KLHL5: variants seen among roughly 807,000 people sequenced by gnomAD.
KLHL5 encodes the protein kelch-like protein 5.
A neutral mutation model predicts 77.7 loss-of-function variants in KLHL5; 48 were observed. The observed-to-expected ratio is 0.62, with a 90% CI of 0.49 to 0.79. KLHL5 has a LOEUF of 0.79. Ranked by LOEUF, KLHL5 falls within the 30% of genes least tolerant of loss-of-function variation. KLHL5 has a pLI of 0.00. For missense variants in KLHL5, 723 were observed against 859.7 expected, an observed-to-expected ratio of 0.84 and a Z score of 1.99; for synonymous variants, 260 against 297.0, an observed-to-expected ratio of 0.88 and a Z score of 1.28.
intron 4 of KLHL5, among the ~76,000 whole-genome samples, chr4:39,086,019 A>G (rs1187124724): frequency 6.6e-6 from 1 of 152,188 alleles, no homozygotes; most frequent in African/African-American, 2.4e-5. Flanking sequence ...TCTGTGGTCT[A>G]GAATGATTCT....
chr4:39,069,768 C>A (rs1718302426), intron 1 of KLHL5, among the ~76,000 whole-genome samples: 1 of 150,732 alleles, frequency 6.6e-6, no homozygotes, highest in Non-Finnish European at 1.5e-5. Flanking sequence ...TTTTTTTTGC[C>A]CTAATGTAAG....
chr4:39,089,100 G>A (rs1720299177), intron 5 of KLHL5, among the ~76,000 whole-genome samples: 1 of 152,164 alleles, frequency 6.6e-6, no homozygotes, highest in African/African-American at 2.4e-5. Flanking sequence ...GATCTGAGGG[G>A]TCAAAGCCAA....
upstream of KLHL5, chr4:39,044,879 G>T: frequency 1.1e-6 from 1 of 925,910 alleles, no homozygotes; most frequent in Non-Finnish European, 1.3e-6. Context: ...GCCACCCGGG[G>T]ACTCTGACCC....
In KLHL5 at chr4:39,113,086, T is replaced by A; in HGVS notation, c.1755T>A (p.His585Gln). The A allele has an allele frequency of 3.1e-6, 5 of 1,614,096 alleles. No individual in the cohort carries two copies. Among genetic ancestry groups the A allele is most frequent in the Non-Finnish European group, 3.4e-6 (4 of 1,179,976 alleles). ...AATCAGTAGAATGTTTTGATCCTCA[T>A]ACTAATAAGTGGACACTGTGTGCAC... is the stretch of plus-strand genomic sequence containing the variant. ...CLKSVECFDP[H>Q]TNKWTLCAQM... is the part of the protein sequence containing the mutation. Residue 585 changes from histidine (H) to glutamine (Q), a missense_variant, in exon 9 of 11, where the codon CAT (histidine) becomes CAA (glutamine). Physicochemically the swap from His to Gln is conservative, Grantham distance 24. Coordinates refer to ENST00000504108, the MANE Select transcript of KLHL5 (RefSeq NM_015990.5).
In KLHL5 at chr4:39,051,806, G is replaced by A. The variant is rs138552785; in HGVS notation, c.-95+6710G>A. Among the ~76,000 whole-genome samples, 1,398 of 152,354 alleles carry A rather than the reference G, an allele frequency of 9.2e-3. 12 individuals carry two copies. Among genetic ancestry groups the A allele is most frequent in the Non-Finnish European group, 0.015 (997 of 68,026 alleles). On this transcript the variant is annotated intron_variant, in intron 1 of 11. Coordinates refer to the KLHL5 transcript ENST00000261425. The stretch of plus-strand genomic sequence containing the variant: ...GTTTCCAGGGTTCTGTAAAAGCTAT[G>A]CTAATTAAAAGAGCCATCACAGGGA...
At chr4:39,049,675 C>T (rs968080293) in intron 1 of KLHL5, among the ~76,000 whole-genome samples, 1 of 150,350 alleles carries the variant, frequency 6.7e-6, no homozygotes, top group Admixed American at 6.7e-5. Context: ...CTCCAACCTA[C>T]GGGACAGCAA....
chr4:39,117,823 C>T (rs1176583095), intron 10 of KLHL5, among the ~76,000 whole-genome samples: 1 of 152,020 alleles, frequency 6.6e-6, no homozygotes, highest in African/African-American at 2.4e-5. Context: ...ACCTGTAATC[C>T]CAACACTTTG....
chr4:39,130,413 C>T (rs1354549132), downstream of KLHL5, among the ~76,000 whole-genome samples: 4 of 152,280 alleles, frequency 2.6e-5, no homozygotes, highest in South Asian at 2.1e-4. Flanking sequence ...GTGTTCCTTA[C>T]CCTCATTCCC....
chr4:39,050,295 A>G (rs765719541), intron 1 of KLHL5, among the ~76,000 whole-genome samples: 2 of 152,208 alleles, frequency 1.3e-5, no homozygotes, highest in African/African-American at 4.8e-5. Context: ...AAATTAAACA[A>G]TGTTACTTAA....
rs537498791 is a variant in KLHL5 at position 39,111,505 on chromosome 4, GGTGTGCACAC to G, written c.1689-1504_1689-1495del. ...AGCCTATTGTGTGTGGGTATGTGTG[GGTGTGCACAC>G]GTGTGCACACACATATGCATGTGTG... On this transcript the variant is annotated intron_variant, in intron 8 of 10. Coordinates refer to ENST00000504108, the MANE Select transcript of KLHL5 (RefSeq NM_015990.5). 3.7e-3 allele frequency among the ~76,000 whole-genome samples: 565 copies of G among 151,992 alleles called. 5 individuals carry two copies. Among genetic ancestry groups the G allele is most frequent in the African/African-American group, 0.012 (516 of 41,452 alleles).
chr4:39,139,458 T>C, the KLHL5 span, among the ~76,000 whole-genome samples: 10 of 152,016 alleles, frequency 6.6e-5, no homozygotes, highest in African/African-American at 2.4e-4. Context: ...TATGACACTA[T>C]AATTATGGGT....
In KLHL5 at chr4:39,121,139, T is replaced by C. The variant is rs1577758353; in HGVS notation, c.*73T>C. 3 of 1,150,686 alleles carry C rather than the reference T, an allele frequency of 2.6e-6. No individual in the cohort carries two copies. The East Asian group carries it at 7.2e-5, about 28-fold the overall frequency. The allele number at this position is 1,150,686 out of a possible 1,614,324, so 71.3% of individuals were successfully genotyped here. ...TTAGTATAATTATTCTATCAATGGA[T>C]ACATTTTTAGTAAATGTGCATTGTC... On this transcript the variant is annotated 3_prime_UTR_variant, in exon 11 of 11. Coordinates refer to ENST00000504108, the MANE Select transcript of KLHL5 (RefSeq NM_015990.5).
rs1216343214 is a variant in KLHL5, at chr4:39,080,745, A to G, written c.567-358A>G. ...TGTCTCCCATATATTCACTACTTCT[A>G]TAATTAAATTTTTTTAAAAATGGCT... On this transcript the variant is annotated intron_variant, in intron 2 of 10. Coordinates refer to ENST00000504108, the MANE Select transcript of KLHL5 (RefSeq NM_015990.5). Among the ~76,000 whole-genome samples the G allele has an allele frequency of 2.6e-5, 4 of 152,108 alleles. No individual in the cohort carries two copies. The South Asian group carries it at 8.3e-4, about 31-fold the overall frequency.
In KLHL5 at chr4:39,126,050, C is replaced by T. The variant is rs959457230; in HGVS notation, c.*4984C>T. ...AACCTAAGAAGGGAGTGAGAAACAA[C>T]GAGAACCATGAGGGGAGAGTTAACG... On this transcript the variant is annotated 3_prime_UTR_variant, in exon 11 of 11. Coordinates refer to ENST00000504108, the MANE Select transcript of KLHL5 (RefSeq NM_015990.5). Among the ~76,000 whole-genome samples, 6 of 152,062 alleles carry T rather than the reference C, an allele frequency of 3.9e-5. No individual in the cohort carries two copies. The highest frequency in any genetic ancestry group is 2.6e-4 in the Admixed American group (4 of 15,252).
rs986900784 is a variant in KLHL5 at position 39,125,491 on chromosome 4, C to T, written c.*4425C>T. Among the ~76,000 whole-genome samples the T allele has an allele frequency of 3.3e-5, 5 of 152,148 alleles. No individual in the cohort carries two copies. Among genetic ancestry groups the T allele is most frequent in the African/African-American group, 9.7e-5 (4 of 41,430 alleles). ...ATAAACAAATTGTGGTATCTCCACA[C>T]GGCACAATAGAATATTCAGCCATAA... is the stretch of plus-strand genomic sequence containing the variant. On this transcript the variant is annotated 3_prime_UTR_variant, in exon 11 of 11. Transcript: ENST00000504108.
chr4:39,095,148 A>G (rs1720940929), intron 5 of KLHL5, among the ~76,000 whole-genome samples: 1 of 152,202 alleles, frequency 6.6e-6, no homozygotes, highest in Non-Finnish European at 1.5e-5. Flanking sequence ...TAATCAAAAG[A>G]TAGTAGAAAA....
At chr4:39,047,523 C>T (rs1384504258) in intron 1 of KLHL5, among the ~76,000 whole-genome samples, 1 of 152,168 alleles carries the variant, frequency 6.6e-6, no homozygotes, top group East Asian at 1.9e-4. Flanking sequence ...TGAAGTTAGC[C>T]AATTTGTTAA....
rs28642025 is a variant in KLHL5 at position 39,081,653 on chromosome 4, G to C, written c.704-310G>C. Among the ~76,000 whole-genome samples the C allele has an allele frequency of 0.021, 3,125 of 147,502 alleles. 117 individuals carry two copies. The highest frequency in any genetic ancestry group is 0.073 in the African/African-American group (2,937 of 40,100). Reference sequence around the variant, plus strand: ...CCACTGCACTCCAGCCTGGGCAATAGAACAAGACCGTGTCTCAAAAAAAAA... The same window carrying C: ...CCACTGCACTCCAGCCTGGGCAATACAACAAGACCGTGTCTCAAAAAAAAA... On this transcript the variant is annotated intron_variant, in intron 3 of 10. Coordinates refer to ENST00000504108, the MANE Select transcript of KLHL5 (RefSeq NM_015990.5). The surrounding 1 kb of genome is among the most constrained non-coding windows in gnomAD (Gnocchi z 4.3).
downstream of KLHL5, among the ~76,000 whole-genome samples, chr4:39,130,450 C>A (rs942243826): frequency 6.6e-6 from 1 of 152,158 alleles, no homozygotes; most frequent in Non-Finnish European, 1.5e-5. Context: ...CCAGTGTGGG[C>A]GTTATGGCCA....
Sources: allele counts gnomAD v4.1 joint callset (sites outside exome capture counted in the v4.1 genomes callset), GRCh38; gene constraint gnomAD v4.1.1; non-coding constraint Gnocchi (gnomAD v3.1); transcripts MANE v1.5; gene names NCBI Gene and HGNC (gene_info 2026-07-23, HGNC 2026-07-21).